Variants in TXLNG observed in about 807,000 individuals in gnomAD.
TXLNG encodes taxilin gamma.
A neutral mutation model predicts 38.8 loss-of-function variants in TXLNG; 5 were observed. The observed-to-expected ratio is 0.13, with a 90% CI of 0.07 to 0.27. The LOEUF (loss-of-function observed/expected upper bound fraction) is 0.27, where lower values mean the gene tolerates loss of function less well. TXLNG is among the 10% of genes least tolerant of loss of function. The probability of loss-of-function intolerance (pLI) is 1.00; values close to 1 mark genes in which losing one functional copy is unlikely to be tolerated. For missense variants in TXLNG, 393 were observed against 398.2 expected (o/e 0.99, Z 0.11); for synonymous variants, 182 against 158.2 (o/e 1.15, Z -1.13).
intron 5 of TXLNG, among the ~76,000 whole-genome samples, chrX:16,832,121 G>A (rs764170399): frequency 8.9e-5 from 10 of 112,274 alleles, no homozygotes; most frequent in Non-Finnish European, 1.5e-4. Flanking sequence ...GCGCTCCAGC[G>A]TGGAGAGGAA....
Position 16,787,102 on chromosome X carries a change from G to C in TXLNG, c.102+513G>C, listed in dbSNP as rs1927519113. ...TAGGCTGTTGCGCAGTAAGATAACC[G>C]CGCGGGAGCCGGGGTGTGCTTGGCC... On this transcript the variant is annotated intron_variant, in intron 1 of 9. Transcript: ENST00000380122. Among the ~76,000 whole-genome samples the C allele has an allele frequency of 2.7e-5, 3 of 112,573 alleles. No individual in the cohort carries two copies. The Admixed American group carries it at 2.8e-4, about 10-fold the overall frequency.
chrX:16,814,345 G>A (rs1928652321), intron 1 of TXLNG, among the ~76,000 whole-genome samples: 1 of 112,093 alleles, frequency 8.9e-6, no homozygotes, highest in Admixed American at 9.4e-5. Context: ...CCGGTGTGGT[G>A]GTTCACACCT....
At chrX:16,795,004 G>A (rs58026915) in intron 1 of TXLNG, among the ~76,000 whole-genome samples, 3,781 of 111,310 alleles carry the variant, frequency 0.034, 176 homozygotes, top group African/African-American at 0.12. Context: ...TTAGCTGGGC[G>A]CGGTGGCTCA....
At chrX:16,793,211 A>G (rs1569260399) in intron 1 of TXLNG, among the ~76,000 whole-genome samples, 2 of 111,513 alleles carry the variant, frequency 1.8e-5, no homozygotes, top group Non-Finnish European at 3.8e-5. Context: ...TTTAAGATCC[A>G]TTAAGACCCT....
chrX:16,809,492 C>T (rs888851907), intron 1 of TXLNG, among the ~76,000 whole-genome samples: 3 of 108,747 alleles, frequency 2.8e-5, no homozygotes, highest in East Asian at 5.8e-4. Context: ...TACAGGCACC[C>T]GCCACCACGC....
At chrX:16,828,038 C>A in intron 3 of TXLNG, 56 bp from the exon 4 acceptor site, 1 of 1,070,087 alleles carries the variant, frequency 9.3e-7, no homozygotes, top group Non-Finnish European at 1.3e-6. Context: ...TAATTCTAGC[C>A]ATAACTGTAA....
At chrX:16,840,301 C>T (rs1050768788) in intron 9 of TXLNG, 2 of 245,647 alleles carry the variant, frequency 8.1e-6, no homozygotes, top group Non-Finnish European at 1.1e-5. Context: ...GTCACTAGTT[C>T]TTGGGGGCGG....
intron 3 of TXLNG, among the ~76,000 whole-genome samples, chrX:16,822,868 C>T (rs1231583131): frequency 9.0e-6 from 1 of 111,707 alleles, no homozygotes; most frequent in Non-Finnish European, 1.9e-5. Context: ...GCCTGAGGAT[C>T]TGCATTTTAA....
intron 1 of TXLNG, chrX:16,803,274 CTG>C (rs1928182011): frequency 1.8e-5 from 2 of 111,737 alleles, no homozygotes; most frequent in African/African-American, 6.6e-5. Flanking sequence ...ACTGCCCAGT[CTG>C]TGGATTGCAA....
chrX:16,801,136 G>A (rs1928071838), intron 1 of TXLNG, among the ~76,000 whole-genome samples: 2 of 112,455 alleles, frequency 1.8e-5, no homozygotes, highest in Non-Finnish European at 3.8e-5. Flanking sequence ...CAACAGAACC[G>A]TGAGCCAGTT....
intron 1 of TXLNG, among the ~76,000 whole-genome samples, chrX:16,787,647 G>A (rs1927544899): frequency 9.0e-6 from 1 of 111,092 alleles, no homozygotes; most frequent in Non-Finnish European, 1.9e-5. Flanking sequence ...CAGGGTTTTC[G>A]GGGCCCTGGA....
intron 1 of TXLNG, among the ~76,000 whole-genome samples, chrX:16,810,730 C>G (rs1928481511): frequency 9.0e-6 from 1 of 111,727 alleles, no homozygotes; most frequent in African/African-American, 3.3e-5. Flanking sequence ...GCTCTATTGC[C>G]CAGGCTGGAG....
chrX:16,832,059 T>C (rs1420383680), intron 5 of TXLNG, among the ~76,000 whole-genome samples: 1 of 112,254 alleles, frequency 8.9e-6, no homozygotes, highest in East Asian at 2.8e-4. Context: ...GCATTTACTG[T>C]TACAGCTCTG....
In TXLNG at chrX:16,837,700, TTAG is replaced by T. The variant is rs773062748; in HGVS notation, c.1152+19_1152+21del. ...AAATGGAAAAGGTATTTACATATTT[TTAG>T]TAGAATAGTATATCAAATGGAATTT... On this transcript the variant is annotated intron_variant, in intron 8 of 9. Transcript: ENST00000380122. 1.4e-5 allele frequency: 16 copies of T among 1,124,881 alleles called. No individual in the cohort carries two copies. The highest frequency in any genetic ancestry group is 3.0e-5 in the East Asian group (1 of 33,199). The allele number at this position is 1,124,881 out of a possible 1,213,427, so 92.7% of individuals were successfully genotyped here.
At chrX:16,830,877 GTGTGTGTGTA>G (rs1929381804) in intron 5 of TXLNG, among the ~76,000 whole-genome samples, 1 of 96,496 alleles carries the variant, frequency 1.0e-5, no homozygotes, top group Admixed American at 1.2e-4. Flanking sequence ...GTGTGTGTGT[GTGTGTGTGTA>G]TAGAGACAGT....
chrX:16,834,868 G>A (rs1303751975), intron 7 of TXLNG, among the ~76,000 whole-genome samples: 1 of 112,166 alleles, frequency 8.9e-6, no homozygotes, highest in South Asian at 3.7e-4. Context: ...CTATAAGCAC[G>A]TAAGTTGTTT....
In TXLNG at chrX:16,828,085, G is replaced by T; in HGVS notation, c.499-9G>T. ...TACTTCCTAAATACAAAGTGCTTAT[G>T]AATTTTAGCTGGAGGAGAGCAGGAG... On this transcript the variant is annotated splice_polypyrimidine_tract_variant and intron_variant, in intron 3 of 9. Transcript: ENST00000380122. 1 of 1,184,762 alleles carries T rather than the reference G, an allele frequency of 8.4e-7. No homozygotes were observed. The highest frequency in any genetic ancestry group is 1.1e-6 in the Non-Finnish European group (1 of 880,814).
chrX:16,834,167 C>T, intron 6 of TXLNG, 116 bp from the exon 7 acceptor site: 1 of 554,434 alleles, frequency 1.8e-6, no homozygotes, highest in Non-Finnish European at 2.9e-6. Context: ...ACTGTTTCAT[C>T]TGTAGACCTG....
chrX:16,843,906 AC>A lies in TXLNG; in HGVS notation c.*2145del, dbSNP rs773102655. The A allele has an allele frequency of 1.6e-3, 177 of 110,953 alleles. No individual in the cohort carries two copies. Among genetic ancestry groups the A allele is most frequent in the African/African-American group, 5.6e-3 (170 of 30,445 alleles). The allele number at this position is 110,953 out of a possible 1,213,427, so 9.1% of individuals were successfully genotyped here. Reference sequence around the variant, plus strand: ...TACCCTGTGAATAAAAACAAATGGGACCCCCTGAGAAGGACATCTTCCTACA... The same window carrying A: ...TACCCTGTGAATAAAAACAAATGGGACCCCTGAGAAGGACATCTTCCTACA... On this transcript the variant is annotated 3_prime_UTR_variant, in exon 10 of 10. Transcript: ENST00000380122.
Sources: gnomAD v4.1 joint callset for allele counts (sites outside exome capture counted in the v4.1 genomes callset) on GRCh38, gnomAD v4.1.1 for gene constraint, MANE v1.5 for transcripts, NCBI Gene and HGNC (gene_info 2026-07-23, HGNC 2026-07-21) for gene names.